HMGCLL1: variants seen among roughly 807,000 people sequenced by gnomAD.
HMGCLL1 encodes the protein 3-hydroxymethyl-3-methylglutaryl-CoA lyase, cytoplasmic.
A neutral mutation model predicts 39.1 loss-of-function variants in HMGCLL1; 36 were observed. The observed-to-expected ratio is 0.92, with a 90% CI of 0.71 to 1.22. The LOEUF (loss-of-function observed/expected upper bound fraction) is 1.22, where lower values mean the gene tolerates loss of function less well. Ranked by LOEUF, HMGCLL1 falls within the 50% of genes most tolerant of loss-of-function variation. The pLI is 0.00. For synonymous variants in HMGCLL1, 149 were observed against 144.0 expected (o/e 1.03, Z -0.25); for missense variants, 451 against 416.5 (o/e 1.08, Z -0.72).
At chr6:55,450,541 T>C (rs114007931) in intron 7 of HMGCLL1, among the ~76,000 whole-genome samples, 2,404 of 152,318 alleles carry the variant, frequency 0.016, 39 homozygotes, top group Non-Finnish European at 0.027. Flanking sequence ...GGTTGGCACA[T>C]AGCAAAATGC....
intron 3 of HMGCLL1, 64 bp from the exon 4 acceptor site, chr6:55,516,667 G>A: frequency 9.1e-7 from 1 of 1,097,814 alleles, no homozygotes; most frequent in South Asian, 1.5e-5. Context: ...AATCATTTTA[G>A]TTTCAGGTAG....
intron 5 of HMGCLL1, among the ~76,000 whole-genome samples, chr6:55,501,534 G>A (rs1201501133): frequency 6.6e-6 from 1 of 151,798 alleles, no homozygotes; most frequent in Non-Finnish European, 1.5e-5. Flanking sequence ...TCATGAATAT[G>A]AACTGAATTC....
At chr6:55,486,946 T>A (rs1032820567) in intron 7 of HMGCLL1, among the ~76,000 whole-genome samples, 4 of 152,136 alleles carry the variant, frequency 2.6e-5, no homozygotes, top group Non-Finnish European at 5.9e-5. Context: ...TGTCTTCACA[T>A]GGCAGAAGTG....
intron 7 of HMGCLL1, among the ~76,000 whole-genome samples, chr6:55,471,274 A>G (rs1353053973): frequency 1.3e-5 from 2 of 150,704 alleles, no homozygotes; most frequent in Admixed American, 1.3e-4. Flanking sequence ...CCTTGTCTTG[A>G]CTAGATGATT....
chr6:55,677,994 T>C, the HMGCLL1 span, among the ~76,000 whole-genome samples: 2 of 152,170 alleles, frequency 1.3e-5, no homozygotes, highest in South Asian at 4.1e-4. Flanking sequence ...TCAGTGAGAC[T>C]GTGTCATTGT....
rs558732004 is a variant in HMGCLL1 at position 55,463,625 on chromosome 6, G to A, written c.796-24066C>T. ...AACATTTTTGGCTTCAAACATTGGG[G>A]CAACTGCAGACATTTACATATTTGA... On this transcript the variant is annotated intron_variant, in intron 7 of 8. Transcript: ENST00000274901. Among the ~76,000 whole-genome samples, 4 of 152,130 alleles carry A rather than the reference G, an allele frequency of 2.6e-5. No individual in the cohort carries two copies. The South Asian group carries it at 8.3e-4, about 32-fold the overall frequency.
intron 5 of HMGCLL1, among the ~76,000 whole-genome samples, chr6:55,499,876 T>C (rs6935077): frequency 0.86 from 129,709 of 151,586 alleles, 55,574 homozygotes; most frequent in African/African-American, 0.9. Context: ...TTAGAAGGCT[T>C]AGAATTAAGA....
rs777469187 is a variant in HMGCLL1, at chr6:55,499,331, ATATGGT to A, written c.543-38_543-33del. The A allele has an allele frequency of 4.8e-5, 71 of 1,469,396 alleles. No homozygotes were observed. The East Asian group carries it at 1.6e-3, about 33-fold the overall frequency. 91.0% of individuals were successfully genotyped at this position (1,469,396 alleles called of 1,614,324 possible). A position where few individuals can be genotyped will look rare whatever the true frequency, so the allele number is the denominator to read the frequency against. ...TAAAAATACAGCCTTATAAATATGC[ATATGGT>A]AAATAAGCCATTTCCATTTTATAAA... On this transcript the variant is annotated intron_variant, in intron 5 of 8. Coordinates refer to ENST00000274901, the MANE Select transcript of HMGCLL1 (RefSeq NM_001042406.2).
At chr6:55,500,861 T>C (rs1157653555) in intron 5 of HMGCLL1, among the ~76,000 whole-genome samples, 2 of 152,018 alleles carry the variant, frequency 1.3e-5, no homozygotes, top group Admixed American at 1.3e-4. Flanking sequence ...ATAAATACAT[T>C]GATTTTTGAA....
At chr6:55,455,880 T>C (rs9349779) in intron 7 of HMGCLL1, among the ~76,000 whole-genome samples, 38,688 of 152,166 alleles carry the variant, frequency 0.25, 4,971 homozygotes, top group East Asian at 0.43. Flanking sequence ...TGGCTTTCTA[T>C]GAATACGTAC....
chr6:55,540,381 G>A (rs962315180), intron 3 of HMGCLL1, among the ~76,000 whole-genome samples: 1 of 152,034 alleles, frequency 6.6e-6, no homozygotes, highest in African/African-American at 2.4e-5. Flanking sequence ...AGGATCTTTG[G>A]GAGATAACTA....
At chr6:55,544,147 G>A (rs562021495) in intron 1 of HMGCLL1, among the ~76,000 whole-genome samples, 1 of 152,184 alleles carries the variant, frequency 6.6e-6, no homozygotes, top group South Asian at 2.1e-4. Context: ...CCAGCCAAAT[G>A]TAACAAACCC....
At chr6:55,542,965 AATAT>A (rs1317140578) in intron 1 of HMGCLL1, among the ~76,000 whole-genome samples, 4 of 116,368 alleles carry the variant, frequency 3.4e-5, no homozygotes, top group East Asian at 2.2e-4. Flanking sequence ...AATAATATAT[AATAT>A]ATATTATAAA....
At chr6:55,519,575 C>CA (rs1767928991) in intron 3 of HMGCLL1, among the ~76,000 whole-genome samples, 1 of 151,738 alleles carries the variant, frequency 6.6e-6, no homozygotes, top group Admixed American at 6.6e-5. Flanking sequence ...ACACAAATTA[C>CA]AAAAAGAAAA....
chr6:55,515,642 G>C (rs1184556746), intron 4 of HMGCLL1, among the ~76,000 whole-genome samples: 2 of 152,074 alleles, frequency 1.3e-5, no homozygotes, highest in African/African-American at 4.8e-5. Flanking sequence ...TAACATGAGA[G>C]TGTCCTTTCA....
At chr6:55,525,377 T>C (rs919570989) in intron 3 of HMGCLL1, among the ~76,000 whole-genome samples, 11 of 152,024 alleles carry the variant, frequency 7.2e-5, no homozygotes, top group Admixed American at 1.3e-4. Flanking sequence ...ATATTCTAAA[T>C]GAAGCATGAG....
intron 1 of HMGCLL1, among the ~76,000 whole-genome samples, chr6:55,565,931 C>T (rs1425895665): frequency 6.6e-6 from 1 of 151,930 alleles, no homozygotes; most frequent in East Asian, 1.9e-4. Flanking sequence ...AACATTTGAC[C>T]AGGTCCACAG....
chr6:55,513,950 T>A, intron 5 of HMGCLL1, 98 bp downstream of exon 5: 2 of 1,000,390 alleles, frequency 2.0e-6, no homozygotes, highest in South Asian at 3.1e-5. Flanking sequence ...ATATTCTATG[T>A]ATATTTTTAT....
At chr6:55,590,647 T>G in the HMGCLL1 span, among the ~76,000 whole-genome samples, 77,224 of 151,782 alleles carry the variant, frequency 0.51, 19,982 homozygotes, top group South Asian at 0.61. Context: ...TCATAAAATT[T>G]TCTGATTTCA....
Sources: gnomAD v4.1 joint callset for allele counts (sites outside exome capture counted in the v4.1 genomes callset) on GRCh38, gnomAD v4.1.1 for gene constraint, MANE v1.5 for transcripts, NCBI Gene and HGNC (gene_info 2026-07-23, HGNC 2026-07-21) for gene names.